TRPS1: variants seen among roughly 807,000 people sequenced by gnomAD.
TRPS1 encodes zinc finger transcription factor Trps1.
TRPS1 carries 6 observed loss-of-function variants against 101.2 expected under a neutral mutation model. That is an observed-to-expected ratio of 0.06 (90% CI 0.03 to 0.12). TRPS1 has a LOEUF of 0.12. TRPS1 is among the 10% of genes least tolerant of loss of function. The pLI is 1.00. For synonymous variants in TRPS1, 578 were observed against 589.8 expected (o/e 0.98, Z 0.29); for missense variants, 1,363 against 1,567.0 (o/e 0.87, Z 2.20).
chr8:115,487,350 G>GT (rs758680128), intron 5 of TRPS1, among the ~76,000 whole-genome samples: 12 of 151,984 alleles, frequency 7.9e-5, no homozygotes, highest in Non-Finnish European at 1.8e-4. Flanking sequence ...AGAGATCAGT[G>GT]TTTTTTTTCA....
At chr8:115,596,795 T>C (rs7841524) in intron 4 of TRPS1, among the ~76,000 whole-genome samples, 2,485 of 152,018 alleles carry the variant, frequency 0.016, 60 homozygotes, top group African/African-American at 0.057. Flanking sequence ...TATGTATATG[T>C]ATGCATGCAT....
chr8:115,409,050 C>T lies in TRPS1; in HGVS notation c.*4973G>A, dbSNP rs74858332. 2.9e-3 allele frequency: 443 copies of T among 152,150 alleles called. No homozygotes were observed. Among genetic ancestry groups the T allele is most frequent in the Non-Finnish European group, 5.2e-3 (356 of 67,896 alleles). The allele number at this position is 152,150 out of a possible 1,614,324, so 9.4% of individuals were successfully genotyped here. On this transcript the variant is annotated 3_prime_UTR_variant, in exon 7 of 7. Coordinates refer to ENST00000395715, the MANE Select transcript of TRPS1 (RefSeq NM_014112.5). Reference sequence around the variant, plus strand: ...CCCAACCTTTCCTGGCCTTTGGGAACTGACAGTTTAAATAACCCCCTTGGC... The same window carrying T: ...CCCAACCTTTCCTGGCCTTTGGGAATTGACAGTTTAAATAACCCCCTTGGC...
chr8:115,470,990 T>C (rs3808416), intron 5 of TRPS1, among the ~76,000 whole-genome samples: 48,034 of 152,116 alleles, frequency 0.32, 9,202 homozygotes, highest in Non-Finnish European at 0.45. Flanking sequence ...TCTGCTTCTG[T>C]GATTAACGCA....
At chr8:115,665,562 A>C (rs542312389) in intron 1 of TRPS1, among the ~76,000 whole-genome samples, 18 of 152,314 alleles carry the variant, frequency 1.2e-4, no homozygotes, top group African/African-American at 4.1e-4. Context: ...AATAATACTG[A>C]AAATATGGTA....
At chr8:115,553,218 A>AT (rs1405650549) in intron 5 of TRPS1, among the ~76,000 whole-genome samples, 2 of 151,972 alleles carry the variant, frequency 1.3e-5, no homozygotes, top group African/African-American at 4.8e-5. Context: ...AGTAAGTAGT[A>AT]TTTTTTGTTG....
At chr8:115,535,304 T>G (rs1180631) in intron 5 of TRPS1, among the ~76,000 whole-genome samples, 45,122 of 107,400 alleles carry the variant, frequency 0.42, 9,847 homozygotes, top group Middle Eastern at 0.68. Context: ...AGCATATATA[T>G]AGCATATATA....
chr8:115,414,425 A>G lies in TRPS1; in HGVS notation c.3483T>C (p.Asn1161=). 1.2e-6 allele frequency: 2 copies of G among 1,614,016 alleles called. No homozygotes were observed. Among genetic ancestry groups the G allele is most frequent in the Non-Finnish European group, 1.7e-6 (2 of 1,179,966 alleles). ...CQNYVPYPTF[N]LPPHFSAVGS... ...CAACAGCTGAAAAATGAGGAGGCAGATTGAAGGTGGGATAAGGCACATAGT... is the reference window on the plus strand; with the variant it reads ...CAACAGCTGAAAAATGAGGAGGCAGGTTGAAGGTGGGATAAGGCACATAGT... Residue 1161 remains asparagine, a synonymous_variant, in exon 7 of 7, where the codon AAT becomes AAC. Coordinates refer to ENST00000395715, the MANE Select transcript of TRPS1 (RefSeq NM_014112.5). This position sits in a 1 kb window ranked among gnomAD's most constrained non-coding sequence, Gnocchi z 4.8.
chr8:115,618,687 T>C (rs1586463265), intron 3 of TRPS1, among the ~76,000 whole-genome samples: 1 of 152,314 alleles, frequency 6.6e-6, no homozygotes, highest in East Asian at 1.9e-4. Flanking sequence ...AGGATGAATA[T>C]AAAATCAAAT....
intron 1 of TRPS1, among the ~76,000 whole-genome samples, chr8:115,646,674 G>C (rs1197192831): frequency 6.6e-6 from 1 of 152,110 alleles, no homozygotes; most frequent in African/African-American, 2.4e-5. Context: ...CAGTGTTTCT[G>C]GTGCTGTGCT....
Position 115,414,560 on chromosome 8 carries a change from G to C in TRPS1, c.3348C>G (p.Asp1116Glu), listed in dbSNP as rs754410851. The change falls in exon 7 of 7, where the codon GAC becomes GAG. Residue 1116 changes from aspartate (D) to glutamate (E), a missense_variant. Physicochemically the swap from Asp to Glu is conservative, Grantham distance 45 (BLOSUM62 2). Transcript: ENST00000395715. The surrounding 1 kb of genome is among the most constrained non-coding windows in gnomAD (Gnocchi z 4.8). ...GCAGCCAATCAGCTTCACTCTGGAA[G>C]TCATTATGTACAAAGGGAAGTCCAA... ...PLFGLPFVHNDFQSEADWLRF... is the reference protein window; with the variant it reads ...PLFGLPFVHNEFQSEADWLRF... 3 of 1,613,968 alleles carry C rather than the reference G, an allele frequency of 1.9e-6. No homozygotes were observed. The highest frequency in any genetic ancestry group is 1.1e-5 in the South Asian group (1 of 91,084).
intron 5 of TRPS1, among the ~76,000 whole-genome samples, chr8:115,423,254 T>G (rs1358721376): frequency 6.6e-6 from 1 of 152,250 alleles, no homozygotes; most frequent in African/African-American, 2.4e-5. Context: ...CAATTTAGGT[T>G]GCATTTGTGT....
At chr8:115,535,256 T>TATATATAGC (rs1563582953) in intron 5 of TRPS1, among the ~76,000 whole-genome samples, 29 of 34,754 alleles carry the variant, frequency 8.3e-4, no homozygotes, top group African/African-American at 3.6e-3. Context: ...ATATATAGCA[T>TATATATAGC]ATATATAGCA....
At chr8:115,469,123 A>T (rs1586304621) in intron 5 of TRPS1, among the ~76,000 whole-genome samples, 1 of 152,228 alleles carries the variant, frequency 6.6e-6, no homozygotes. Flanking sequence ...TCTGGGTGAC[A>T]GAGTAAGACC....
intron 1 of TRPS1, among the ~76,000 whole-genome samples, chr8:115,633,719 T>C (rs952855386): frequency 1.3e-5 from 2 of 152,158 alleles, no homozygotes; most frequent in Admixed American, 6.6e-5. Context: ...TTCATGTATC[T>C]AAAATTCTGA....
At chr8:115,455,810 A>G (rs2129948181) in intron 5 of TRPS1, among the ~76,000 whole-genome samples, 1 of 113,020 alleles carries the variant, frequency 8.8e-6, no homozygotes, top group Non-Finnish European at 1.7e-5. Context: ...AGTCTTGTGG[A>G]GTCTTGCTCT....
intron 5 of TRPS1, among the ~76,000 whole-genome samples, chr8:115,515,480 G>C (rs1463519337): frequency 6.6e-6 from 1 of 151,334 alleles, no homozygotes; most frequent in Non-Finnish European, 1.5e-5. Flanking sequence ...ACAGACAAAT[G>C]AACGTATTTT....
rs561460094 is a variant in TRPS1 at position 115,594,427 on chromosome 8, CATAAAATATTTGGGACATACTTTT to C, written c.2097-6847_2097-6824del. On this transcript the variant is annotated intron_variant, in intron 4 of 6. Coordinates refer to ENST00000395715, the MANE Select transcript of TRPS1 (RefSeq NM_014112.5). The stretch of plus-strand genomic sequence containing the variant: ...TAAATGAATATTTTAGTGAATGCTG[CATAAAATATTTGGGACATACTTTT>C]ATAAAATCTCACTGTGTCCCATACA... 1.3e-3 allele frequency among the ~76,000 whole-genome samples: 193 copies of C among 152,076 alleles called. 1 individual carries two copies. The highest frequency in any genetic ancestry group is 6.8e-3 in the Middle Eastern group (2 of 294).
intron 1 of TRPS1, among the ~76,000 whole-genome samples, chr8:115,659,912 T>C (rs967196226): frequency 2.0e-5 from 3 of 152,016 alleles, no homozygotes; most frequent in Admixed American, 6.6e-5. Flanking sequence ...ATATGCAATA[T>C]GCTAAAATTC....
intron 5 of TRPS1, among the ~76,000 whole-genome samples, chr8:115,541,028 C>A (rs1586382848): frequency 6.6e-6 from 1 of 151,974 alleles, no homozygotes; most frequent in African/African-American, 2.4e-5. Flanking sequence ...AGATTTTATA[C>A]ACTTATATAA....
Sources: allele counts gnomAD v4.1 joint callset (sites outside exome capture counted in the v4.1 genomes callset), GRCh38; gene constraint gnomAD v4.1.1; non-coding constraint Gnocchi (gnomAD v3.1); transcripts MANE v1.5; gene names NCBI Gene and HGNC (gene_info 2026-07-23, HGNC 2026-07-21).